UBE2H: variants seen among roughly 807,000 people sequenced by gnomAD.
UBE2H encodes ubiquitin conjugating enzyme E2 H, also known as ubiquitin-conjugating enzyme E2 H.
UBE2H carries 3 observed loss-of-function variants against 29.0 expected under a neutral mutation model. The ratio of observed to expected loss-of-function variants is 0.10; its 90% confidence interval spans 0.05 to 0.27. UBE2H has a LOEUF of 0.27. Ranked by LOEUF, UBE2H falls within the 10% of genes least tolerant of loss-of-function variation. The pLI, the probability that UBE2H is intolerant of heterozygous loss-of-function variation, is 1.00. For synonymous variants in UBE2H, 69 were observed against 82.9 expected, an observed-to-expected ratio of 0.83 and a Z score of 0.91; for missense variants, 68 against 228.2, an observed-to-expected ratio of 0.30 and a Z score of 4.52.
At chr7:129,838,435 G>A (rs764235340) in intron 6 of UBE2H, among the ~76,000 whole-genome samples, 62 of 152,218 alleles carry the variant, frequency 4.1e-4, no homozygotes, top group Non-Finnish European at 8.1e-4. Context: ...AAACATTCTG[G>A]ACTGCTATGC....
chr7:129,908,837 G>T (rs1806872799), intron 1 of UBE2H, among the ~76,000 whole-genome samples: 1 of 152,176 alleles, frequency 6.6e-6, no homozygotes, highest in Admixed American at 6.5e-5. Flanking sequence ...GAAATGGGGG[G>T]TCACAAGAGG....
chr7:129,840,198 T>C (rs1805403301), intron 5 of UBE2H, among the ~76,000 whole-genome samples: 1 of 152,192 alleles, frequency 6.6e-6, no homozygotes, highest in Non-Finnish European at 1.5e-5. Context: ...AAAAAGTTTT[T>C]TTTTTGAGAG....
At chr7:129,912,454 G>A (rs184051941) in intron 1 of UBE2H, among the ~76,000 whole-genome samples, 2 of 151,940 alleles carry the variant, frequency 1.3e-5, no homozygotes, top group East Asian at 1.9e-4. Flanking sequence ...TGGGCTTGGC[G>A]ATCCTCCCAC....
At chr7:129,937,059 G>T (rs981380835) in intron 1 of UBE2H, among the ~76,000 whole-genome samples, 2 of 152,110 alleles carry the variant, frequency 1.3e-5, no homozygotes, top group African/African-American at 4.8e-5. Context: ...AGGTGTGGTG[G>T]TGGCTCGCGC....
chr7:129,944,764 G>GCACA (rs879250116), intron 1 of UBE2H, among the ~76,000 whole-genome samples: 1 of 146,696 alleles, frequency 6.8e-6, no homozygotes, highest in South Asian at 2.2e-4. Context: ...ACGCACGCAC[G>GCACA]CGCATGCGCA....
intron 5 of UBE2H, among the ~76,000 whole-genome samples, chr7:129,841,121 T>C (rs112313683): frequency 7.9e-5 from 12 of 152,330 alleles, no homozygotes; most frequent in East Asian, 5.8e-4. Flanking sequence ...ATAAAAGCGG[T>C]AGGCAAACCT....
At chr7:129,859,881 C>T (rs745650007) in intron 3 of UBE2H, among the ~76,000 whole-genome samples, 1 of 152,150 alleles carries the variant, frequency 6.6e-6, no homozygotes, top group Non-Finnish European at 1.5e-5. Flanking sequence ...CCCATCCCCA[C>T]AGTCTCTCTC....
intron 1 of UBE2H, among the ~76,000 whole-genome samples, chr7:129,950,230 T>C (rs1418150220): frequency 1.3e-5 from 2 of 152,204 alleles, no homozygotes; most frequent in Non-Finnish European, 2.9e-5. Flanking sequence ...CTCTGGCTTT[T>C]AAATCTCGAA....
At chr7:129,903,933 T>G (rs1806766927) in intron 1 of UBE2H, among the ~76,000 whole-genome samples, 2 of 152,222 alleles carry the variant, frequency 1.3e-5, no homozygotes, top group South Asian at 4.1e-4. Flanking sequence ...AGGTTATCTT[T>G]CAATCGTTAT....
At chr7:129,922,906 T>TAA (rs1807191784) in intron 1 of UBE2H, among the ~76,000 whole-genome samples, 1 of 151,934 alleles carries the variant, frequency 6.6e-6, no homozygotes, top group African/African-American at 2.4e-5. Flanking sequence ...ATTTTTCTTT[T>TAA]TTTTCTTTTT....
At chr7:129,899,723 A>G (rs925280353) in intron 1 of UBE2H, among the ~76,000 whole-genome samples, 2 of 152,236 alleles carry the variant, frequency 1.3e-5, no homozygotes, top group African/African-American at 4.8e-5. Context: ...TCAGAAAAAA[A>G]CAAAAACAAG....
chr7:129,892,203 C>T (rs1028217485), intron 1 of UBE2H, among the ~76,000 whole-genome samples: 3 of 152,032 alleles, frequency 2.0e-5, no homozygotes, highest in African/African-American at 7.2e-5. Flanking sequence ...CCCGCCTCGG[C>T]CTCCCAAAAT....
At chr7:129,861,254 A>G (rs1274522983) in intron 3 of UBE2H, among the ~76,000 whole-genome samples, 1 of 152,024 alleles carries the variant, frequency 6.6e-6, no homozygotes, top group Admixed American at 6.6e-5. Context: ...CACTATTAAT[A>G]TATTCCTTTT....
Position 129,924,807 on chromosome 7 carries a change from C to T in UBE2H, c.53+27696G>A, listed in dbSNP as rs1807232090. On this transcript the variant is annotated intron_variant, in intron 1 of 6. Coordinates refer to ENST00000355621, the MANE Select transcript of UBE2H (RefSeq NM_003344.4). Reference sequence around the variant, plus strand: ...CCAAGGTCTCTGAGCCGCACAGAGCCAAGGACGAAAGCCCTGGACGGTCCT... The same window carrying T: ...CCAAGGTCTCTGAGCCGCACAGAGCTAAGGACGAAAGCCCTGGACGGTCCT... Among the ~76,000 whole-genome samples the T allele has an allele frequency of 2.0e-5, 3 of 152,026 alleles. No homozygotes were observed. In the South Asian group the frequency reaches 6.2e-4, roughly 32 times the overall value.
Position 129,952,688 on chromosome 7 carries a change from AGCCGCC to A in UBE2H, c.-139_-134del, listed in dbSNP as rs992619758. On this transcript the variant is annotated 5_prime_UTR_variant, in exon 1 of 7. Transcript: ENST00000355621. ...CCCCCGCGGTCCCGGCGGTCCCGTC[AGCCGCC>A]GCCGCCGCCCCCCGCACGGGGGAAC... 1.8e-5 allele frequency: 19 copies of A among 1,035,478 alleles called. No homozygotes were observed. The highest frequency in any genetic ancestry group is 5.1e-6 in the Non-Finnish European group (4 of 776,952). The allele number at this position is 1,035,478 out of a possible 1,614,324, so 64.1% of individuals were successfully genotyped here.
intron 5 of UBE2H, among the ~76,000 whole-genome samples, chr7:129,850,368 A>G (rs1192166731): frequency 5.9e-5 from 9 of 151,544 alleles, no homozygotes; most frequent in Non-Finnish European, 4.4e-5. Context: ...AAAAAAAAAG[A>G]AAAAAATAAC....
At chr7:129,892,766 A>G (rs1245485131) in intron 1 of UBE2H, among the ~76,000 whole-genome samples, 1 of 152,152 alleles carries the variant, frequency 6.6e-6, no homozygotes, top group Non-Finnish European at 1.5e-5. Flanking sequence ...GGGAGATGAC[A>G]CTGGGCTACT....
At chr7:129,860,570 T>C (rs991998952) in intron 3 of UBE2H, among the ~76,000 whole-genome samples, 2 of 152,168 alleles carry the variant, frequency 1.3e-5, no homozygotes, top group Admixed American at 6.5e-5. Context: ...ATATTATTTA[T>C]AAAAGCCAAC....
intron 6 of UBE2H, among the ~76,000 whole-genome samples, chr7:129,837,299 C>T (rs1315359940): frequency 6.6e-6 from 1 of 152,088 alleles, no homozygotes; most frequent in Non-Finnish European, 1.5e-5. Flanking sequence ...GCCCAGGGAC[C>T]GAGTCCTAAG....
Sources: allele counts gnomAD v4.1 joint callset (sites outside exome capture counted in the v4.1 genomes callset), GRCh38; gene constraint gnomAD v4.1.1; transcripts MANE v1.5; gene names NCBI Gene and HGNC (gene_info 2026-07-23, HGNC 2026-07-21).